RAPGEF6: variants seen among roughly 807,000 people sequenced by gnomAD.
RAPGEF6 encodes the protein Rap guanine nucleotide exchange factor 6, also known as PDZ domain containing guanine nucleotide exchange factor (GEF) 2.
A neutral mutation model predicts 171.4 loss-of-function variants in RAPGEF6; 56 were observed. The ratio of observed to expected loss-of-function variants is 0.33; its 90% confidence interval spans 0.26 to 0.41. RAPGEF6 has a LOEUF of 0.41. Among genes scored for constraint, RAPGEF6 ranks in the 10% least tolerant of loss-of-function variants. The probability of loss-of-function intolerance (pLI) is 1.00; values close to 1 mark genes in which losing one functional copy is unlikely to be tolerated. For synonymous variants in RAPGEF6, 692 were observed against 650.1 expected, an observed-to-expected ratio of 1.06 and a Z score of -0.98; for missense variants, 1,674 against 1,921.4, an observed-to-expected ratio of 0.87 and a Z score of 2.41.
intron 21 of RAPGEF6, chr5:131,449,894 G>T (rs1004853243): frequency 2.1e-5 from 22 of 1,035,040 alleles, no homozygotes; most frequent in Non-Finnish European, 3.1e-5. Flanking sequence ...GAAGGCATTT[G>T]TCAGGAATGT....
intron 11 of RAPGEF6, among the ~76,000 whole-genome samples, chr5:131,504,393 C>T (rs1363799598): frequency 5.3e-5 from 8 of 151,016 alleles, no homozygotes; most frequent in African/African-American, 9.8e-5. Flanking sequence ...ACCTGGGAGG[C>T]GGAGGTTGCA....
rs192015515 is a variant in RAPGEF6 at position 131,435,987 on chromosome 5, A to G, written c.3746-2329T>C. The G allele has an allele frequency of 5.3e-5, 81 of 1,536,414 alleles. No individual in the cohort carries two copies. The African/African-American group carries it at 1.1e-3, about 20-fold the overall frequency. On this transcript the variant is annotated intron_variant, in intron 24 of 27. Coordinates refer to ENST00000509018, the MANE Select transcript of RAPGEF6 (RefSeq NM_016340.6). ...TCCTCCTTTTAGACTTGAATCGCGT[A>G]TAGAAGCAGTTTAAAGTGTTACTGT...
chr5:131,547,735 T>C (rs955592641), intron 6 of RAPGEF6, among the ~76,000 whole-genome samples: 5 of 151,934 alleles, frequency 3.3e-5, no homozygotes, highest in African/African-American at 1.2e-4. Context: ...GGTCTTGAAC[T>C]CCTGACCTTG....
chr5:131,554,369 A>G (rs1761102595), intron 5 of RAPGEF6, among the ~76,000 whole-genome samples: 1 of 152,238 alleles, frequency 6.6e-6, no homozygotes, highest in South Asian at 2.1e-4. Context: ...GAAAGAACTA[A>G]AAGCAAAAAA....
chr5:131,506,100 T>C (rs1389807794), intron 9 of RAPGEF6, among the ~76,000 whole-genome samples: 1 of 152,224 alleles, frequency 6.6e-6, no homozygotes, highest in Non-Finnish European at 1.5e-5. Context: ...AAGAAAATAA[T>C]GCCTTCATTT....
chr5:131,612,867 T>A (rs775271515), intron 1 of RAPGEF6, among the ~76,000 whole-genome samples: 1 of 152,208 alleles, frequency 6.6e-6, no homozygotes, highest in South Asian at 2.1e-4. Context: ...GAGAAAGAAT[T>A]AGAAATTAAC....
At chr5:131,505,652 A>G (rs1054629108) in intron 9 of RAPGEF6, 130 bp from the exon 10 acceptor site, 3 of 725,640 alleles carry the variant, frequency 4.1e-6, no homozygotes, top group Admixed American at 5.8e-5. Context: ...ATATTACCAA[A>G]CACTCTGTAA....
At chr5:131,541,950 A>G (rs1389914071) in intron 6 of RAPGEF6, among the ~76,000 whole-genome samples, 1 of 139,700 alleles carries the variant, frequency 7.2e-6, no homozygotes, top group Non-Finnish European at 1.6e-5. Context: ...TCTCCATCTC[A>G]TTTGATTGGC....
At chr5:131,573,603 C>A (rs1465633315) in intron 4 of RAPGEF6, among the ~76,000 whole-genome samples, 1 of 152,042 alleles carries the variant, frequency 6.6e-6, no homozygotes, top group African/African-American at 2.4e-5. Context: ...CAAGAGGGCA[C>A]CAGGGCAGTT....
chr5:131,521,605 G>T, intron 6 of RAPGEF6, 84 bp from the exon 7 acceptor site: 1 of 1,252,514 alleles, frequency 8.0e-7, no homozygotes, highest in Non-Finnish European at 1.1e-6. Flanking sequence ...AAATTTTTAT[G>T]TACATTACTG....
At chr5:131,465,187 A>G (rs1475713648) in intron 17 of RAPGEF6, among the ~76,000 whole-genome samples, 1 of 152,174 alleles carries the variant, frequency 6.6e-6, no homozygotes, top group Admixed American at 6.5e-5. Context: ...TAACACAAGA[A>G]CATTTTAAAT....
intron 13 of RAPGEF6, among the ~76,000 whole-genome samples, chr5:131,494,573 C>T (rs1434812368): frequency 1.3e-5 from 2 of 152,092 alleles, no homozygotes; most frequent in African/African-American, 4.8e-5. Flanking sequence ...TGGCTATAAT[C>T]TAGGGTACAC....
chr5:131,554,916 C>A (rs1247033800), intron 5 of RAPGEF6, among the ~76,000 whole-genome samples: 5 of 151,192 alleles, frequency 3.3e-5, no homozygotes, highest in Admixed American at 2.6e-4. Flanking sequence ...GAAAAAAGAA[C>A]TTAAAATAAA....
intron 6 of RAPGEF6, among the ~76,000 whole-genome samples, chr5:131,538,833 G>A (rs1025645124): frequency 6.6e-5 from 10 of 152,240 alleles, no homozygotes; most frequent in African/African-American, 2.4e-4. Context: ...CCTAGTTTTA[G>A]TTGTATCACT....
rs551277982 is a variant in RAPGEF6 at position 131,455,830 on chromosome 5, A to G, written c.3047T>C (p.Val1016Ala). 1 of 1,613,276 alleles carries G rather than the reference A, an allele frequency of 6.2e-7. No individual in the cohort carries two copies. The highest frequency in any genetic ancestry group is 1.1e-5 in the South Asian group (1 of 91,068). The change falls in exon 20 of 28, where the codon GTC (valine) becomes GCC (alanine). Residue 1016 changes from valine to alanine, a missense_variant. This residue lies in a region of RAPGEF6 where 1,116 missense variants were observed against 1,321.5 expected (regional missense o/e 0.84). Coordinates refer to ENST00000509018, the MANE Select transcript of RAPGEF6 (RefSeq NM_016340.6). ...QPPIIPLFPV[V>A]KKDMTFLHEG... ...ATGTAGAAATGTCATATCTTTCTTG[A>G]CAACAGGGAAGAGTGGAATAATTGG...
intron 4 of RAPGEF6, among the ~76,000 whole-genome samples, chr5:131,577,922 G>A (rs1474786675): frequency 4.6e-5 from 7 of 152,046 alleles, no homozygotes; most frequent in African/African-American, 9.7e-5. Flanking sequence ...ATGGCTTTAC[G>A]CAGTCACCCC....
At chr5:131,609,787 A>C (rs1764833147) in intron 1 of RAPGEF6, among the ~76,000 whole-genome samples, 1 of 152,252 alleles carries the variant, frequency 6.6e-6, no homozygotes, top group South Asian at 2.1e-4. Context: ...TCACAGTGAT[A>C]GATATCTATA....
At position 131,426,750 on chromosome 5, in the gene RAPGEF6, T is replaced by G; in HGVS notation, c.*516A>C. The G allele has an allele frequency of 5.8e-6, 1 of 171,500 alleles. No individual in the cohort carries two copies. The allele number at this position is 171,500 out of a possible 1,614,324, so 10.6% of individuals were successfully genotyped here. On this transcript the variant is annotated 3_prime_UTR_variant, in exon 28 of 28. Coordinates refer to ENST00000509018, the MANE Select transcript of RAPGEF6 (RefSeq NM_016340.6). ...TTCTGTTTGGTCAGACCAGAGACAA[T>G]TTTATGACCTCAAACATGAATATCA...
rs146197618 is a variant in RAPGEF6, at chr5:131,532,107, G to A, written c.496-10586C>T. 1.3e-3 allele frequency: 584 copies of A among 442,242 alleles called. 3 individuals carry two copies. Among genetic ancestry groups the A allele is most frequent in the African/African-American group, 0.011 (522 of 49,148 alleles). The allele number at this position is 442,242 out of a possible 1,614,324, so 27.4% of individuals were successfully genotyped here. On this transcript the variant is annotated intron_variant, in intron 6 of 27. Transcript: ENST00000509018. ...GAAAATAACAATTACTTACTTTGGA[G>A]GCCCATGGCTGAAGACAATTGGCAT... is the stretch of plus-strand genomic sequence containing the variant.
Sources: gnomAD v4.1 joint callset for allele counts (sites outside exome capture counted in the v4.1 genomes callset) on GRCh38, gnomAD v4.1.1 for gene constraint, gnomAD v4.1.1 regional missense constraint, MANE v1.5 for transcripts, NCBI Gene and HGNC (gene_info 2026-07-23, HGNC 2026-07-21) for gene names.